PDE4D: variants seen among roughly 807,000 people sequenced by gnomAD.
PDE4D encodes the protein phosphodiesterase 4D, also known as 3',5'-cyclic-AMP phosphodiesterase 4D.
PDE4D carries 24 observed loss-of-function variants against 87.4 expected under a neutral mutation model. The ratio of observed to expected loss-of-function variants is 0.27; its 90% CI spans 0.20 to 0.39. The LOEUF is 0.39. Ranked by LOEUF, PDE4D falls within the 10% of genes least tolerant of loss-of-function variation. The pLI is 1.00. For missense variants in PDE4D, 714 were observed against 1,041.0 expected (o/e 0.69, Z 4.32); for synonymous variants, 384 against 383.2 (o/e 1.00, Z -0.02).
intron 3 of PDE4D, among the ~76,000 whole-genome samples, chr5:59,924,898 A>G (rs1444519258): frequency 2.0e-5 from 3 of 152,124 alleles, no homozygotes; most frequent in Non-Finnish European, 2.9e-5. Flanking sequence ...AACTACAGCC[A>G]GGCATAGTGG....
chr5:59,077,854 A>G (rs1450732105), intron 5 of PDE4D, among the ~76,000 whole-genome samples: 1 of 152,156 alleles, frequency 6.6e-6, no homozygotes, highest in Non-Finnish European at 1.5e-5. Context: ...TCTTTCTTGC[A>G]TAAGAACAAC....
chr5:59,220,579 A>AAACT (rs1752331682), intron 1 of PDE4D, among the ~76,000 whole-genome samples: 1 of 152,128 alleles, frequency 6.6e-6, no homozygotes, highest in Non-Finnish European at 1.5e-5. Context: ...CTCAGTAGGT[A>AAACT]GTAAGTTAAC....
intron 1 of PDE4D, among the ~76,000 whole-genome samples, chr5:59,841,418 GAC>G (rs1742976721): frequency 6.6e-6 from 1 of 152,178 alleles, no homozygotes; most frequent in Admixed American, 6.5e-5. Context: ...ATTCCTGACT[GAC>G]ACACAGATAT....
intron 1 of PDE4D, among the ~76,000 whole-genome samples, chr5:59,514,695 T>G (rs1298656477): frequency 6.6e-6 from 1 of 152,188 alleles, no homozygotes; most frequent in Non-Finnish European, 1.5e-5. Flanking sequence ...CCAACGAATT[T>G]TATCACTTAC....
At chr5:60,153,354 A>G (rs1330177278) in intron 2 of PDE4D, among the ~76,000 whole-genome samples, 1 of 152,202 alleles carries the variant, frequency 6.6e-6, no homozygotes, top group African/African-American at 2.4e-5. Context: ...AGCTGTTATC[A>G]AAAAGACAAA....
At chr5:59,997,906 G>T (rs968120354) in intron 2 of PDE4D, among the ~76,000 whole-genome samples, 1 of 152,166 alleles carries the variant, frequency 6.6e-6, no homozygotes, top group Non-Finnish European at 1.5e-5. Context: ...GCTTAAACAG[G>T]TTAGTTTGTC....
intron 1 of PDE4D, among the ~76,000 whole-genome samples, chr5:59,756,163 G>A (rs1364053603): frequency 6.6e-6 from 1 of 151,590 alleles, no homozygotes; most frequent in East Asian, 1.9e-4. Flanking sequence ...TTAAAACACT[G>A]AAAATGAAAC....
At chr5:60,359,518 T>C (rs1759883334) in intron 1 of PDE4D, among the ~76,000 whole-genome samples, 1 of 152,176 alleles carries the variant, frequency 6.6e-6, no homozygotes, top group African/African-American at 2.4e-5. Context: ...TAGTAGCCGA[T>C]TTTCCCCTAT....
At chr5:60,421,174 A>C (rs1743061094) in intron 1 of PDE4D, among the ~76,000 whole-genome samples, 1 of 152,208 alleles carries the variant, frequency 6.6e-6, no homozygotes, top group Non-Finnish European at 1.5e-5. Context: ...AGCTCTGAAG[A>C]GAGCAGTGGT....
chr5:59,293,754 C>T (rs1004934394), intron 1 of PDE4D, among the ~76,000 whole-genome samples: 5 of 152,016 alleles, frequency 3.3e-5, no homozygotes, highest in Non-Finnish European at 7.4e-5. Context: ...GGGCAGGGTG[C>T]GTGTGCAGGT....
At chr5:59,719,508 G>T (rs1755525401) in intron 1 of PDE4D, among the ~76,000 whole-genome samples, 1 of 152,230 alleles carries the variant, frequency 6.6e-6, no homozygotes, top group South Asian at 2.1e-4. Flanking sequence ...AATAATGCCT[G>T]TGCTTTCCAA....
At chr5:59,579,310 C>T (rs1166333141) in intron 1 of PDE4D, among the ~76,000 whole-genome samples, 1 of 152,046 alleles carries the variant, frequency 6.6e-6, no homozygotes, top group Non-Finnish European at 1.5e-5. Flanking sequence ...TCTGGGCATC[C>T]CCTATGAATA....
intron 1 of PDE4D, among the ~76,000 whole-genome samples, chr5:59,434,962 C>G (rs969824176): frequency 6.6e-6 from 1 of 152,134 alleles, no homozygotes; most frequent in Non-Finnish European, 1.5e-5. Context: ...TTATTATACT[C>G]ATTTTTCAGA....
chr5:59,104,320 G>C (rs968790572), intron 5 of PDE4D, among the ~76,000 whole-genome samples: 1 of 152,146 alleles, frequency 6.6e-6, no homozygotes, highest in Non-Finnish European at 1.5e-5. Context: ...AAAATCCAAG[G>C]CTAGAAAAGT....
At chr5:59,554,165 A>G (rs1818538059) in intron 1 of PDE4D, among the ~76,000 whole-genome samples, 1 of 152,164 alleles carries the variant, frequency 6.6e-6, no homozygotes, top group African/African-American at 2.4e-5. Context: ...TTAATAAGGC[A>G]AAGTTCCTGC....
chr5:59,124,713 G>A (rs1190935705), intron 5 of PDE4D, among the ~76,000 whole-genome samples: 1 of 152,134 alleles, frequency 6.6e-6, no homozygotes, highest in African/African-American at 2.4e-5. Flanking sequence ...CAACATATTC[G>A]TTTGTGAATA....
At chr5:59,055,276 C>T (rs1288092982) in intron 5 of PDE4D, among the ~76,000 whole-genome samples, 1 of 152,098 alleles carries the variant, frequency 6.6e-6, no homozygotes, top group East Asian at 1.9e-4. Flanking sequence ...TCTGTCAATC[C>T]CTCCTACATA....
chr5:60,508,249 G>C (rs1004721737), intron 1 of PDE4D, among the ~76,000 whole-genome samples: 7 of 152,158 alleles, frequency 4.6e-5, no homozygotes, highest in African/African-American at 1.7e-4. Context: ...GACTCTAGTC[G>C]ATACCTGTTC....
At chr5:59,948,059 A>G (rs1446404317) in intron 3 of PDE4D, among the ~76,000 whole-genome samples, 1 of 152,228 alleles carries the variant, frequency 6.6e-6, no homozygotes, top group African/African-American at 2.4e-5. Flanking sequence ...AATGCTTGAT[A>G]TACTGATATA....
Sources: allele counts gnomAD v4.1 joint callset (sites outside exome capture counted in the v4.1 genomes callset), GRCh38; gene constraint gnomAD v4.1.1; transcripts MANE v1.5; gene names NCBI Gene and HGNC (gene_info 2026-07-23, HGNC 2026-07-21).